GIPC2: variants seen among roughly 807,000 people sequenced by gnomAD.
The protein encoded by GIPC2 is GIPC PDZ domain containing family member 2, also known as PDZ domain-containing protein GIPC2.
In GIPC2, 30 loss-of-function variants were observed where a neutral mutation model predicts 30.6. The ratio of observed to expected loss-of-function variants is 0.98; its 90% CI spans 0.73 to 1.33. The LOEUF (loss-of-function observed/expected upper bound fraction) is 1.33. Ranked by LOEUF, GIPC2 falls within the 40% of genes most tolerant of loss-of-function variation. The pLI, the probability that GIPC2 is intolerant of heterozygous loss-of-function variation, is 0.00. For synonymous variants in GIPC2, 167 were observed against 150.0 expected, an observed-to-expected ratio of 1.11 and a Z score of -0.83; for missense variants, 414 against 390.3, an observed-to-expected ratio of 1.06 and a Z score of -0.51.
rs1208329652 is a variant in GIPC2, at chr1:78,046,784, G to GA, written c.240+460dup. Among the ~76,000 whole-genome samples, 813 of 149,956 alleles carry GA rather than the reference G, an allele frequency of 5.4e-3. 7 individuals carry two copies. The highest frequency in any genetic ancestry group is 0.018 in the African/African-American group (722 of 40,744). Reference sequence around the variant, plus strand: ...AGGTCATCTCCCTAGATTAACGGGGGAAAAAAAAAATAGAAGTGCCTTGCA... The same window carrying GA: ...AGGTCATCTCCCTAGATTAACGGGGGAAAAAAAAAAATAGAAGTGCCTTGCA... On this transcript the variant is annotated intron_variant, in intron 1 of 5. Transcript: ENST00000370759.
rs955606628 is a variant in GIPC2, at chr1:78,137,572, G to A, written c.*1829G>A. 2 of 152,100 alleles carry A rather than the reference G, an allele frequency of 1.3e-5. No individual in the cohort carries two copies. Among genetic ancestry groups the A allele is most frequent in the African/African-American group, 4.8e-5 (2 of 41,438 alleles). 9.4% of individuals were successfully genotyped at this position (152,100 alleles called of 1,614,324 possible). ...TCACAATGATCTTTCTAGAATTTGT[G>A]TGTAAGGTTGTGATATCCATGTACA... On this transcript the variant is annotated 3_prime_UTR_variant, in exon 6 of 6. Transcript: ENST00000370759.
At chr1:78,063,009 C>A (rs1029859300) in intron 1 of GIPC2, among the ~76,000 whole-genome samples, 1 of 152,162 alleles carries the variant, frequency 6.6e-6, no homozygotes, top group African/African-American at 2.4e-5. Flanking sequence ...GTATTCTTTC[C>A]TTTACGTAAG....
chr1:78,134,287 A>G (rs1662960076), intron 5 of GIPC2, among the ~76,000 whole-genome samples: 1 of 151,780 alleles, frequency 6.6e-6, no homozygotes, highest in African/African-American at 2.4e-5. Context: ...CTTTTCTGGC[A>G]GTGACAAACT....
chr1:78,050,225 T>C (rs548397336), intron 1 of GIPC2, among the ~76,000 whole-genome samples: 123 of 152,284 alleles, frequency 8.1e-4, no homozygotes, highest in African/African-American at 2.8e-3. Context: ...ATAGCAGCTG[T>C]GAGATTCTTG....
At chr1:78,053,410 C>A (rs762443535) in intron 1 of GIPC2, among the ~76,000 whole-genome samples, 1 of 152,226 alleles carries the variant, frequency 6.6e-6, no homozygotes, top group South Asian at 2.1e-4. Context: ...AAGCCCAAAT[C>A]CTTTGTAATG....
chr1:78,115,106 C>T (rs6666647), intron 3 of GIPC2, among the ~76,000 whole-genome samples: 47,187 of 152,082 alleles, frequency 0.31, 9,470 homozygotes, highest in Non-Finnish European at 0.44. Context: ...GATGATACAA[C>T]CTTTATGAAG....
intron 3 of GIPC2, among the ~76,000 whole-genome samples, chr1:78,110,191 A>C (rs1319822207): frequency 2.6e-5 from 4 of 152,154 alleles, no homozygotes; most frequent in Non-Finnish European, 5.9e-5. Flanking sequence ...AAAAAAAAAA[A>C]AAGAAACAGC....
chr1:78,090,656 T>TG (rs1234151962), intron 2 of GIPC2, among the ~76,000 whole-genome samples: 1 of 152,238 alleles, frequency 6.6e-6, no homozygotes, highest in Non-Finnish European at 1.5e-5. Flanking sequence ...CTTCAGATCT[T>TG]TATGATTTGC....
At chr1:78,135,118 C>T (rs1192047615) in intron 5 of GIPC2, among the ~76,000 whole-genome samples, 1 of 152,224 alleles carries the variant, frequency 6.6e-6, no homozygotes, top group Non-Finnish European at 1.5e-5. Context: ...TGCAAGCTGT[C>T]ATCCTTTGTC....
At chr1:78,069,727 G>A (rs922328204) in intron 1 of GIPC2, among the ~76,000 whole-genome samples, 1 of 152,088 alleles carries the variant, frequency 6.6e-6, no homozygotes, top group African/African-American at 2.4e-5. Flanking sequence ...GCCTGCCTCA[G>A]CCTCCCAAAA....
chr1:78,091,528 G>A (rs968879020), intron 2 of GIPC2: 16 of 743,666 alleles, frequency 2.2e-5, no homozygotes, highest in South Asian at 1.5e-4. Flanking sequence ...CCAAACAGCC[G>A]TCCGAGGAGG....
chr1:78,120,004 C>T (rs986722434), intron 4 of GIPC2, among the ~76,000 whole-genome samples: 3 of 152,186 alleles, frequency 2.0e-5, no homozygotes, highest in Non-Finnish European at 4.4e-5. Flanking sequence ...CCCAAGGCAC[C>T]ATCATCTTAT....
At position 78,046,344 on chromosome 1, in the gene GIPC2, C is replaced by A. The variant is rs1201932499; in HGVS notation, c.240+10C>A. ...AATCTCGCCGTCGGAGGTAAGGCGC[C>A]AGGTGCTCAGGCTCTCCCGCCTCTC... is the stretch of plus-strand genomic sequence containing the variant. On this transcript the variant is annotated intron_variant, in intron 1 of 5. Coordinates refer to ENST00000370759, the MANE Select transcript of GIPC2 (RefSeq NM_017655.6). 1 of 1,602,230 alleles carries A rather than the reference C, an allele frequency of 6.2e-7. No homozygotes were observed. Among genetic ancestry groups the A allele is most frequent in the Admixed American group, 1.7e-5 (1 of 59,350 alleles).
At chr1:78,126,237 A>T (rs1401970861) in intron 5 of GIPC2, among the ~76,000 whole-genome samples, 1 of 152,244 alleles carries the variant, frequency 6.6e-6, no homozygotes, top group Non-Finnish European at 1.5e-5. Context: ...GTTTGGATTT[A>T]AAAAATATAC....
rs538252682 is a variant in GIPC2 at position 78,046,347 on chromosome 1, G to T, written c.240+13G>T. ...CTCGCCGTCGGAGGTAAGGCGCCAG[G>T]TGCTCAGGCTCTCCCGCCTCTCCGC... On this transcript the variant is annotated intron_variant, in intron 1 of 5. Coordinates refer to ENST00000370759, the MANE Select transcript of GIPC2 (RefSeq NM_017655.6). The T allele has an allele frequency of 5.5e-5, 88 of 1,601,614 alleles. No homozygotes were observed. The African/African-American group carries it at 1.1e-3, about 20-fold the overall frequency.
At chr1:78,103,901 G>A (rs1053307358) in intron 3 of GIPC2, among the ~76,000 whole-genome samples, 3 of 151,920 alleles carry the variant, frequency 2.0e-5, no homozygotes, top group African/African-American at 7.2e-5. Flanking sequence ...CATGAAAGGC[G>A]ACAGGACATC....
chr1:78,073,049 TC>T (rs1661652796), intron 1 of GIPC2, among the ~76,000 whole-genome samples: 1 of 150,628 alleles, frequency 6.6e-6, no homozygotes, highest in Non-Finnish European at 1.5e-5. Flanking sequence ...GACCTTGTGA[TC>T]CGCCTGCCTC....
At chr1:78,049,018 A>G (rs557302073) in intron 1 of GIPC2, among the ~76,000 whole-genome samples, 154 of 152,376 alleles carry the variant, frequency 1.0e-3, no homozygotes, top group African/African-American at 3.5e-3. Context: ...TCATCATAGC[A>G]TAGTACGCAT....
intron 4 of GIPC2, among the ~76,000 whole-genome samples, chr1:78,123,872 A>G (rs1424728918): frequency 6.6e-6 from 1 of 152,356 alleles, no homozygotes; most frequent in Non-Finnish European, 1.5e-5. Context: ...AGACAATTCA[A>G]GATACATTGT....
Sources: gnomAD v4.1 joint callset for allele counts (sites outside exome capture counted in the v4.1 genomes callset) on GRCh38, gnomAD v4.1.1 for gene constraint, MANE v1.5 for transcripts, NCBI Gene and HGNC (gene_info 2026-07-23, HGNC 2026-07-21) for gene names.